Variants in ERC2 observed in about 807,000 individuals in gnomAD.
The protein encoded by ERC2 is ELKS/RAB6-interacting/CAST family member 2.
A neutral mutation model predicts 114.8 loss-of-function variants in ERC2; 42 were observed. The observed-to-expected ratio is 0.37, with a 90% CI of 0.29 to 0.47. The LOEUF (loss-of-function observed/expected upper bound fraction) is 0.47, where lower values mean the gene tolerates loss of function less well. Ranked by LOEUF, ERC2 falls within the 20% of genes least tolerant of loss-of-function variation. The probability of loss-of-function intolerance (pLI) is 0.99; values close to 1 mark genes in which losing one functional copy is unlikely to be tolerated. For synonymous variants in ERC2, 454 were observed against 425.5 expected (o/e 1.07, Z -0.82); for missense variants, 939 against 1,150.7 (o/e 0.82, Z 2.66).
At chr3:55,952,160 C>CACAG (rs1559922095) in intron 12 of ERC2, among the ~76,000 whole-genome samples, 9 of 72,664 alleles carry the variant, frequency 1.2e-4, no homozygotes, top group South Asian at 5.5e-4. Flanking sequence ...CACACACACA[C>CACAG]ACACACACAC....
intron 12 of ERC2, among the ~76,000 whole-genome samples, chr3:55,952,166 C>CTATATATAT (rs1159931712): frequency 1.1e-5 from 1 of 89,610 alleles, no homozygotes; most frequent in African/African-American, 4.0e-5. Context: ...CACACACACA[C>CTATATATAT]ACACACACAC....
At chr3:56,048,721 C>A (rs2075609484) in intron 7 of ERC2, among the ~76,000 whole-genome samples, 1 of 152,110 alleles carries the variant, frequency 6.6e-6, no homozygotes, top group Non-Finnish European at 1.5e-5. Context: ...GCCAAGTAAC[C>A]TCTGCAGACC....
intron 1 of ERC2, among the ~76,000 whole-genome samples, chr3:56,450,873 A>G (rs2062800568): frequency 1.3e-5 from 2 of 152,178 alleles, no homozygotes; most frequent in Non-Finnish European, 2.9e-5. Flanking sequence ...ATCCCAAACA[A>G]TAAACAGTAA....
At chr3:56,026,006 T>G (rs1267646670) in intron 7 of ERC2, among the ~76,000 whole-genome samples, 2 of 151,812 alleles carry the variant, frequency 1.3e-5, no homozygotes, top group Non-Finnish European at 2.9e-5. Context: ...AATTTTCAGC[T>G]TATAAAAAAG....
At chr3:55,684,879 T>C (rs1425452460) in intron 16 of ERC2, among the ~76,000 whole-genome samples, 1 of 152,204 alleles carries the variant, frequency 6.6e-6, no homozygotes, top group East Asian at 1.9e-4. Context: ...GATTTTTCCA[T>C]AATTTGCTTC....
intron 6 of ERC2, among the ~76,000 whole-genome samples, chr3:56,114,419 C>A (rs73091231): frequency 6.6e-6 from 1 of 151,874 alleles, no homozygotes; most frequent in African/African-American, 2.4e-5. Flanking sequence ...TCAACCCTTA[C>A]GAAAGAAAGT....
chr3:55,909,298 A>G (rs1203175289), intron 13 of ERC2, among the ~76,000 whole-genome samples: 2 of 152,240 alleles, frequency 1.3e-5, no homozygotes, highest in Non-Finnish European at 2.9e-5. Context: ...AGGACAGACT[A>G]AAAACCAGAG....
intron 17 of ERC2, among the ~76,000 whole-genome samples, chr3:55,577,835 TG>T (rs914663890): frequency 9.9e-5 from 15 of 152,238 alleles, no homozygotes; most frequent in African/African-American, 3.6e-4. Flanking sequence ...CCCGATCCAC[TG>T]GAGTGAAAGG....
At chr3:56,025,946 A>T (rs2074011423) in intron 7 of ERC2, among the ~76,000 whole-genome samples, 1 of 151,746 alleles carries the variant, frequency 6.6e-6, no homozygotes, top group African/African-American at 2.4e-5. Flanking sequence ...CTCTAACAGG[A>T]TGTGTAACAT....
At chr3:55,836,794 A>T (rs371444508) in intron 14 of ERC2, among the ~76,000 whole-genome samples, 2 of 152,232 alleles carry the variant, frequency 1.3e-5, no homozygotes, top group African/African-American at 4.8e-5. Context: ...CAGCAAAAGA[A>T]ACTACGATGA....
At chr3:56,049,818 A>ATGTGTGTGTGTGTGTGTG (rs3052672) in intron 7 of ERC2, among the ~76,000 whole-genome samples, 29 of 145,318 alleles carry the variant, frequency 2.0e-4, no homozygotes, top group African/African-American at 6.9e-4. Context: ...CCCATCATAT[A>ATGTGTGTGTGTGTGTGTG]TGTGTGTGTG....
intron 3 of ERC2, among the ~76,000 whole-genome samples, chr3:56,182,713 C>T (rs2083354208): frequency 1.3e-5 from 2 of 152,034 alleles, no homozygotes; most frequent in Non-Finnish European, 2.9e-5. Flanking sequence ...CTCCTAATTG[C>T]CTCCCTACAC....
At chr3:55,854,134 G>A (rs933566123) in intron 14 of ERC2, among the ~76,000 whole-genome samples, 3 of 152,128 alleles carry the variant, frequency 2.0e-5, no homozygotes, top group East Asian at 3.9e-4. Flanking sequence ...AATTAGCTGG[G>A]CATGGTGGCA....
chr3:56,216,539 T>G (rs2049487594), intron 3 of ERC2, among the ~76,000 whole-genome samples: 2 of 152,136 alleles, frequency 1.3e-5, no homozygotes, highest in Non-Finnish European at 2.9e-5. Flanking sequence ...ACCAGACAGA[T>G]TCACAGCCGA....
intron 17 of ERC2, among the ~76,000 whole-genome samples, chr3:55,515,791 C>T (rs1446426972): frequency 1.3e-5 from 2 of 151,978 alleles, no homozygotes; most frequent in Non-Finnish European, 2.9e-5. Context: ...CGTGTGGTGT[C>T]TCACAAATAT....
At chr3:56,194,364 G>A (rs4974178) in intron 3 of ERC2, among the ~76,000 whole-genome samples, 68,296 of 152,050 alleles carry the variant, frequency 0.45, 15,901 homozygotes, top group East Asian at 0.72. Context: ...ATTATGCGGC[G>A]AGGCCCGATC....
chr3:56,083,839 G>T (rs939773059), intron 6 of ERC2, among the ~76,000 whole-genome samples: 2 of 151,872 alleles, frequency 1.3e-5, no homozygotes, highest in African/African-American at 4.8e-5. Context: ...AGGAAGTAGA[G>T]AAGCAAGTAG....
chr3:55,960,382 C>T (rs963334558), intron 12 of ERC2, among the ~76,000 whole-genome samples: 1 of 152,100 alleles, frequency 6.6e-6, no homozygotes, highest in Non-Finnish European at 1.5e-5. Context: ...GGCTATTTTC[C>T]CTGTCTGGGA....
At chr3:56,191,055 A>G (rs994651338) in intron 3 of ERC2, among the ~76,000 whole-genome samples, 8 of 152,192 alleles carry the variant, frequency 5.3e-5, no homozygotes, top group Non-Finnish European at 8.8e-5. Flanking sequence ...TTGCTCCAAG[A>G]TGCCAGGTGG....
Sources: allele counts gnomAD v4.1 joint callset (sites outside exome capture counted in the v4.1 genomes callset), GRCh38; gene constraint gnomAD v4.1.1; transcripts MANE v1.5; gene names NCBI Gene and HGNC (gene_info 2026-07-23, HGNC 2026-07-21).